AUTS2: variants seen among roughly 807,000 people sequenced by gnomAD.
AUTS2 encodes the protein autism susceptibility gene 2 protein.
AUTS2 carries 17 observed loss-of-function variants against 112.4 expected under a neutral mutation model. The ratio of observed to expected loss-of-function variants is 0.15; its 90% CI spans 0.10 to 0.23. The LOEUF (loss-of-function observed/expected upper bound fraction) is 0.23, where lower values mean the gene tolerates loss of function less well. AUTS2 is among the 10% of genes least tolerant of loss of function. The pLI is 1.00. For missense variants in AUTS2, 1,510 were observed against 1,701.6 expected (o/e 0.89, Z 1.98); for synonymous variants, 751 against 702.7 (o/e 1.07, Z -1.09).
chr7:70,457,429 G>A (rs1311919411), intron 5 of AUTS2, among the ~76,000 whole-genome samples: 1 of 152,144 alleles, frequency 6.6e-6, no homozygotes, highest in Admixed American at 6.5e-5. Context: ...CTTCTGGAGG[G>A]GTAGGAACAG....
At chr7:69,925,123 C>A (rs1020115165) in intron 2 of AUTS2, among the ~76,000 whole-genome samples, 2 of 152,062 alleles carry the variant, frequency 1.3e-5, no homozygotes, top group African/African-American at 4.8e-5. Context: ...TATGGCAATT[C>A]TATATCTGTT....
chr7:69,859,653 A>G (rs1792888214), intron 1 of AUTS2, among the ~76,000 whole-genome samples: 1 of 152,202 alleles, frequency 6.6e-6, no homozygotes, highest in African/African-American at 2.4e-5. Flanking sequence ...AGCCATCTCA[A>G]GATTTGTTAT....
intron 5 of AUTS2, among the ~76,000 whole-genome samples, chr7:70,645,384 G>A (rs906247830): frequency 1.3e-5 from 2 of 151,926 alleles, no homozygotes; most frequent in Admixed American, 6.5e-5. Flanking sequence ...AAGTGTCACG[G>A]TGGGGCAGAG....
At position 70,787,239 on chromosome 7, in the gene AUTS2, G is replaced by A. The variant is rs367838374; in HGVS notation, c.2339G>A (p.Gly780Asp). ...TPNSMFGHKD[G>D]PSVQNFSNPH... The stretch of plus-strand genomic sequence containing the variant: ...AACTCAATGTTCGGCCACAAGGATG[G>A]CCCCAGTGTGCAGAACTTTAGCAAC... Residue 780 changes from glycine (G) to aspartate (D), a missense_variant, in exon 18 of 19, where the codon GGC becomes GAC. Physicochemically the swap from Gly to Asp is moderately conservative, Grantham distance 94. This residue lies in a region of AUTS2 where 788 missense variants were observed against 797.6 expected (regional missense o/e 0.99). Coordinates refer to ENST00000342771, the MANE Select transcript of AUTS2 (RefSeq NM_015570.4). 60 of 1,614,046 alleles carry A rather than the reference G, an allele frequency of 3.7e-5. No individual in the cohort carries two copies. Among genetic ancestry groups the A allele is most frequent in the Non-Finnish European group, 4.8e-5 (57 of 1,180,038 alleles).
intron 15 of AUTS2, 180 bp downstream of exon 15, chr7:70,781,936 C>T: frequency 1.5e-6 from 1 of 687,962 alleles, no homozygotes; most frequent in Non-Finnish European, 2.4e-6. Context: ...TTGATACACT[C>T]TCTTTCATTA....
chr7:70,789,816 G>A lies in AUTS2; in HGVS notation c.2600G>A (p.Gly867Glu), dbSNP rs1791762982. The A allele has an allele frequency of 6.2e-7, 1 of 1,614,162 alleles. No individual in the cohort carries two copies. The highest frequency in any genetic ancestry group is 8.5e-7 in the Non-Finnish European group (1 of 1,180,030). The change falls in exon 19 of 19, where the codon GGA becomes GAA. Residue 867 changes from glycine (G) to glutamate (E), a missense_variant. Transcript: ENST00000342771. Reference protein sequence around the residue: ...PAPVLPVNALGHTRSSTEQIR... With the variant: ...PAPVLPVNALEHTRSSTEQIR... ...CCTGTCCTCCCGGTGAATGCCCTGG[G>A]ACATACCCGCAGCTCCACTGAACAG...
At chr7:70,527,543 C>G (rs1799891023) in intron 5 of AUTS2, among the ~76,000 whole-genome samples, 1 of 151,996 alleles carries the variant, frequency 6.6e-6, no homozygotes. Flanking sequence ...AGGAGCCGTA[C>G]TTCACCCCAT....
At chr7:70,411,002 T>A (rs1353425647) in intron 4 of AUTS2, among the ~76,000 whole-genome samples, 2 of 151,968 alleles carry the variant, frequency 1.3e-5, no homozygotes, top group African/African-American at 4.8e-5. Flanking sequence ...TAGCTGGGAT[T>A]ATAGGCACCC....
At position 70,711,884 on chromosome 7, in the gene AUTS2, CATG is replaced by C. The variant is rs548281205; in HGVS notation, c.742+13265_742+13267del. Among the ~76,000 whole-genome samples the C allele has an allele frequency of 1.1e-4, 16 of 152,314 alleles. No homozygotes were observed. In the South Asian group the frequency reaches 3.1e-3, roughly 30 times the overall value. On this transcript the variant is annotated intron_variant, in intron 6 of 18. Transcript: ENST00000342771. The stretch of plus-strand genomic sequence containing the variant: ...CTAGCCTAAAAACACAGTCTCTTTC[CATG>C]CCCCTTTACTCACTCCCCACACATC...
At chr7:70,736,852 C>T (rs572854224) in intron 6 of AUTS2, among the ~76,000 whole-genome samples, 85 of 152,294 alleles carry the variant, frequency 5.6e-4, no homozygotes, top group African/African-American at 2.0e-3. Context: ...ATAGCGTAGA[C>T]GGATTGTGCA....
At chr7:70,322,112 G>C (rs1475784401) in intron 4 of AUTS2, among the ~76,000 whole-genome samples, 1 of 152,086 alleles carries the variant, frequency 6.6e-6, no homozygotes, top group Non-Finnish European at 1.5e-5. Flanking sequence ...GGAAGACTTG[G>C]AAGACCAGCA....
chr7:69,702,089 C>G (rs937594423), intron 1 of AUTS2, among the ~76,000 whole-genome samples: 7 of 152,134 alleles, frequency 4.6e-5, no homozygotes, highest in Non-Finnish European at 7.3e-5. Context: ...TTGTGAGGGA[C>G]TTCGAGAGGT....
At chr7:69,857,451 AAAC>A (rs1317715768) in intron 1 of AUTS2, among the ~76,000 whole-genome samples, 1 of 152,206 alleles carries the variant, frequency 6.6e-6, no homozygotes, top group African/African-American at 2.4e-5. Context: ...ACCCTCTTTG[AAAC>A]AATGCAATGA....
At chr7:70,340,188 A>ACACACACACACC (rs1791196125) in intron 4 of AUTS2, among the ~76,000 whole-genome samples, 1 of 151,840 alleles carries the variant, frequency 6.6e-6, no homozygotes, top group Non-Finnish European at 1.5e-5. Context: ...ACACACACAC[A>ACACACACACACC]CACACACCCC....
At chr7:70,565,080 A>G (rs1265787228) in intron 5 of AUTS2, among the ~76,000 whole-genome samples, 1 of 152,220 alleles carries the variant, frequency 6.6e-6, no homozygotes, top group Non-Finnish European at 1.5e-5. Flanking sequence ...CCTGGGCGAT[A>G]GAGTGAGACT....
At chr7:69,782,452 A>G (rs1239106391) in intron 1 of AUTS2, among the ~76,000 whole-genome samples, 2 of 150,898 alleles carry the variant, frequency 1.3e-5, no homozygotes, top group Admixed American at 6.6e-5. Context: ...TGGTTTTTGC[A>G]TGGTCCCTAC....
intron 1 of AUTS2, among the ~76,000 whole-genome samples, chr7:69,786,068 G>A (rs1789359241): frequency 1.3e-5 from 2 of 152,190 alleles, no homozygotes; most frequent in African/African-American, 2.4e-5. Flanking sequence ...CTGACCTCAG[G>A]GTGAGAGGTG....
intron 1 of AUTS2, among the ~76,000 whole-genome samples, chr7:69,855,267 T>C (rs1406675839): frequency 6.6e-6 from 1 of 152,190 alleles, no homozygotes; most frequent in Non-Finnish European, 1.5e-5. Context: ...ACAAGCTAAG[T>C]ACTAAACCAA....
At chr7:70,740,284 G>A (rs1187438627) in intron 6 of AUTS2, among the ~76,000 whole-genome samples, 1 of 152,198 alleles carries the variant, frequency 6.6e-6, no homozygotes, top group African/African-American at 2.4e-5. Context: ...GGTTTCAATT[G>A]TGGGACCTTA....
Sources: allele counts gnomAD v4.1 joint callset (sites outside exome capture counted in the v4.1 genomes callset), GRCh38; gene constraint gnomAD v4.1.1; regional missense constraint gnomAD v4.1.1; transcripts MANE v1.5; gene names NCBI Gene and HGNC (gene_info 2026-07-23, HGNC 2026-07-21).